Variants in SLC4A2 observed in about 807,000 individuals in gnomAD.
SLC4A2 encodes anion exchange protein 2.
In SLC4A2, 36 loss-of-function variants were observed where a neutral mutation model predicts 115.0. That is an observed-to-expected ratio of 0.31 (90% CI 0.24 to 0.41). The LOEUF (loss-of-function observed/expected upper bound fraction) is 0.41, where lower values mean the gene tolerates loss of function less well. SLC4A2 is among the 10% of genes least tolerant of loss of function. SLC4A2 has a pLI of 1.00. For missense variants in SLC4A2, 1,252 were observed against 1,705.6 expected, an observed-to-expected ratio of 0.73 and a Z score of 4.68; for synonymous variants, 708 against 708.3, an observed-to-expected ratio of 1.00 and a Z score of 0.01.
Position 151,064,761 on chromosome 7 carries a change from G to C in SLC4A2, c.453G>C (p.Ser151=), listed in dbSNP as rs35033391. The change falls in exon 4 of 23, where the codon TCG becomes TCC. Residue 151 remains serine (S), a synonymous_variant. Transcript: ENST00000413384. ...CGTCCCCTGTCTCCACACCCTCCTC[G>C]GTGCAGGTGCGCTGGGTGCGGGCTC... is the stretch of plus-strand genomic sequence containing the variant. ...TQPSPVSTPS[S]VQFFLQEDDS... 7.1e-4 allele frequency: 1,149 copies of C among 1,607,386 alleles called. 12 individuals carry two copies. In the African/African-American group the frequency reaches 0.013, roughly 19 times the overall value.
At position 151,066,858 on chromosome 7, in the gene SLC4A2, G is replaced by T; in HGVS notation, c.831G>T (p.Arg277=). ...GGTCCTCTGCCCCCACAGGTCACCG[G>T]TTTGAGGACGTTCCTGGGGTGCGGC... The part of the protein sequence containing the change: ...TADLDLMKSH[R]FEDVPGVRRH... Residue 277 remains arginine (R), a synonymous_variant, in exon 7 of 23, where the codon CGG becomes CGT. Transcript: ENST00000413384. The T allele has an allele frequency of 6.2e-7, 1 of 1,612,626 alleles. No homozygotes were observed. The highest frequency in any genetic ancestry group is 1.1e-5 in the South Asian group (1 of 90,874).
upstream of SLC4A2, chr7:151,058,310 G>A (rs1250268277): frequency 2.0e-5 from 4 of 205,074 alleles, no homozygotes; most frequent in African/African-American, 9.5e-5. Flanking sequence ...GGGTTTGGCG[G>A]CCTAGATCCC....
chr7:151,062,140 A>T, intron 2 of SLC4A2, 102 bp downstream of exon 2: 2 of 197,480 alleles, frequency 1.0e-5, no homozygotes, highest in African/African-American at 5.4e-5. Context: ...AGCGTGTGTG[A>T]GTGTGGAGAC....
In SLC4A2 at chr7:151,076,441, C is replaced by T; in HGVS notation, c.*74C>T. 3 of 1,127,212 alleles carry T rather than the reference C, an allele frequency of 2.7e-6. No homozygotes were observed. The highest frequency in any genetic ancestry group is 3.7e-6 in the Non-Finnish European group (3 of 819,128). 69.8% of individuals were successfully genotyped at this position (1,127,212 alleles called of 1,614,324 possible). A position where few individuals can be genotyped will look rare whatever the true frequency, so the allele number is the denominator to read the frequency against. ...GTGGGATGGGGTTCCCCCTCCCATG[C>T]CCCTCCCTCCTTTTTATTTAAGTGA... On this transcript the variant is annotated 3_prime_UTR_variant, in exon 23 of 23. Coordinates refer to ENST00000413384, the MANE Select transcript of SLC4A2 (RefSeq NM_003040.4).
upstream of SLC4A2, chr7:151,058,808 T>C (rs1364645748): frequency 6.6e-6 from 1 of 152,216 alleles, no homozygotes; most frequent in Non-Finnish European, 1.5e-5. Context: ...TAGATTCCCT[T>C]ACGCTGCCTC....
At position 151,068,560 on chromosome 7, in the gene SLC4A2, C is replaced by T. The variant is rs558306999; in HGVS notation, c.1147+506C>T. On this transcript the variant is annotated intron_variant, in intron 8 of 22. Transcript: ENST00000413384. ...TTCGAGACAGGATCTTGCTCTGTTG[C>T]CCAGGCTGGAGTACAGTGGTGTGAT... 1.7e-3 allele frequency among the ~76,000 whole-genome samples: 255 copies of T among 152,122 alleles called. 1 individual carries two copies. Among genetic ancestry groups the T allele is most frequent in the Non-Finnish European group, 2.9e-3 (197 of 67,992 alleles).
At chr7:151,058,655 T>A (rs1796957526), upstream of SLC4A2, 1 of 152,260 alleles carries the variant, frequency 6.6e-6, no homozygotes, top group African/African-American at 2.4e-5. Flanking sequence ...GGGGTCCCCC[T>A]CAGACCCCAG....
At chr7:151,064,123 T>C (rs1288855292) in intron 2 of SLC4A2, 79 bp from the exon 3 acceptor site, 6 of 1,478,024 alleles carry the variant, frequency 4.1e-6, no homozygotes, top group Non-Finnish European at 5.6e-6. Context: ...CCTGGGTCTC[T>C]GGCACTGGGA....
In SLC4A2 at chr7:151,066,982, A is replaced by G. The variant is rs771485279; in HGVS notation, c.955A>G (p.Lys319Glu). The part of the protein sequence containing the change: ...TPRARPRAPH[K>E]PHEVFVELNE... ...TCGGGCCCGACCCCGGGCCCCCCAC[A>G]AGCCCCATGAGGTACCATGCTCTGC... Residue 319 changes from lysine (K) to glutamate (E), a missense_variant, in exon 7 of 23, where the codon AAG (lysine) becomes GAG (glutamate). By Grantham distance (56) the Lys-to-Glu change is moderately conservative (BLOSUM62 1). Transcript: ENST00000413384. The G allele has an allele frequency of 6.2e-7, 1 of 1,601,594 alleles. No homozygotes were observed. Among genetic ancestry groups the G allele is most frequent in the Non-Finnish European group, 8.5e-7 (1 of 1,175,376 alleles).
rs765228649 is a variant in SLC4A2, at chr7:151,070,439, C to G, written c.1450-18C>G. 68 of 1,611,412 alleles carry G rather than the reference C, an allele frequency of 4.2e-5. No homozygotes were observed. The highest frequency in any genetic ancestry group is 5.5e-5 in the Non-Finnish European group (65 of 1,178,870). On this transcript the variant is annotated intron_variant, in intron 10 of 22. Transcript: ENST00000413384. Reference sequence around the variant, plus strand: ...TGGGAGGGGCCTGGCTGGGCTGAGCCCTGTCTGTGTCCCCCAGCGTGAGCT... The same window carrying G: ...TGGGAGGGGCCTGGCTGGGCTGAGCGCTGTCTGTGTCCCCCAGCGTGAGCT...
chr7:151,068,066 C>T lies in SLC4A2; in HGVS notation c.1147+12C>T, dbSNP rs1281005428. ...GACCCTGGCCCATGGTAACCCCGCT[C>T]CCCTCCACCTCCCGCCTGGCCAGTC... is the stretch of plus-strand genomic sequence containing the variant. On this transcript the variant is annotated intron_variant, in intron 8 of 22. Coordinates refer to ENST00000413384, the MANE Select transcript of SLC4A2 (RefSeq NM_003040.4). 2.9e-5 allele frequency: 43 copies of T among 1,458,176 alleles called. No individual in the cohort carries two copies. The highest frequency in any genetic ancestry group is 5.3e-5 in the East Asian group (2 of 37,552). 90.3% of individuals were successfully genotyped at this position (1,458,176 alleles called of 1,614,324 possible). A position where few individuals can be genotyped will look rare whatever the true frequency, so the allele number is the denominator to read the frequency against.
chr7:151,076,211 C>T (rs753550485), intron 22 of SLC4A2, 25 bp downstream of exon 22: 201 of 1,610,482 alleles, frequency 1.2e-4, no homozygotes, highest in Non-Finnish European at 8.2e-5. Flanking sequence ...CTGCCTCCCC[C>T]GGTTCCTCTT....
chr7:151,066,444 A>G, intron 5 of SLC4A2, 73 bp from the exon 6 acceptor site: 2 of 1,432,870 alleles, frequency 1.4e-6, no homozygotes, highest in East Asian at 2.5e-5. Flanking sequence ...CTCCCTGGCT[A>G]CCGCCTGCGT....
rs760952046 is a variant in SLC4A2 at position 151,070,071 on chromosome 7, G to C, written c.1272G>C (p.Leu424=). ...EDRANVLRAL[L]LKHSHPSDEK... ...GGGCCAACGTGCTGCGGGCTCTGCT[G>C]TTGAAACACAGGTGAGGCCCTGTGG... The change falls in exon 9 of 23, where the codon CTG becomes CTC. Residue 424 remains leucine, a synonymous_variant. Transcript: ENST00000413384. 1 of 1,614,058 alleles carries C rather than the reference G, an allele frequency of 6.2e-7. No individual in the cohort carries two copies. Among genetic ancestry groups the C allele is most frequent in the Non-Finnish European group, 8.5e-7 (1 of 1,179,940 alleles).
rs368763999 is a variant in SLC4A2, at chr7:151,070,708, G to C, written c.1565-19G>C. On this transcript the variant is annotated intron_variant, in intron 11 of 22. Transcript: ENST00000413384. ...GTCCTGCTGCTCTGCTCTTGCCCAC[G>C]ATGGTCCCACGCCCCTAGGCTGCGT... 1.2e-6 allele frequency: 2 copies of C among 1,611,420 alleles called. No homozygotes were observed. The highest frequency in any genetic ancestry group is 1.7e-6 in the Non-Finnish European group (2 of 1,179,438).
chr7:151,064,433 C>T (rs1455828403), intron 3 of SLC4A2, 66 bp downstream of exon 3: 4 of 1,552,622 alleles, frequency 2.6e-6, no homozygotes, highest in Admixed American at 1.7e-5. Context: ...AAAGAAGGGA[C>T]TGGGGTCCTA....
intron 16 of SLC4A2, 46 bp downstream of exon 16, chr7:151,072,182 CAG>C: frequency 6.4e-7 from 1 of 1,556,278 alleles, no homozygotes; most frequent in Non-Finnish European, 8.8e-7. Flanking sequence ...GCCGAGGTCT[CAG>C]GGCTGGAGGG....
chr7:151,062,478 G>A lies in SLC4A2; in HGVS notation c.51+440G>A, dbSNP rs1409433477. ...CCCTCCCTGCCCCCACGTGGCCACCGCTCCACATGGCCCCCTTTGGATTTT... is the reference window on the plus strand; with the variant it reads ...CCCTCCCTGCCCCCACGTGGCCACCACTCCACATGGCCCCCTTTGGATTTT... On this transcript the variant is annotated intron_variant, in intron 2 of 22. Coordinates refer to ENST00000413384, the MANE Select transcript of SLC4A2 (RefSeq NM_003040.4). 8 of 732,370 alleles carry A rather than the reference G, an allele frequency of 1.1e-5. No homozygotes were observed. In the East Asian group the frequency reaches 4.1e-4, roughly 38 times the overall value. 45.4% of individuals were successfully genotyped at this position (732,370 alleles called of 1,614,324 possible).
At position 151,066,525 on chromosome 7, in the gene SLC4A2, T is replaced by TGGAGGA; in HGVS notation, c.590_595dup (p.Glu197_Glu198dup). The TGGAGGA allele has an allele frequency of 6.6e-7, 1 of 1,521,714 alleles. No individual in the cohort carries two copies. Among genetic ancestry groups the TGGAGGA allele is most frequent in the Non-Finnish European group, 8.8e-7 (1 of 1,134,922 alleles). The allele number at this position is 1,521,714 out of a possible 1,614,324, so 94.3% of individuals were successfully genotyped here. ...CCATTCTGTCTGCCTAGAACCCAGG[T>TGGAGGA]GGAGGAGGCGGAGGCGGAGGCGGTG... is the stretch of plus-strand genomic sequence containing the variant. On this transcript the variant is annotated inframe_insertion, in exon 6 of 23. Transcript: ENST00000413384.
Sources: allele counts gnomAD v4.1 joint callset (sites outside exome capture counted in the v4.1 genomes callset), GRCh38; gene constraint gnomAD v4.1.1; transcripts MANE v1.5; gene names NCBI Gene and HGNC (gene_info 2026-07-23, HGNC 2026-07-21).